Variants in MRPS27 observed in about 807,000 individuals in gnomAD.
MRPS27 encodes mitochondrial ribosomal protein S27, also known as small ribosomal subunit protein mS27.
In MRPS27, 43 loss-of-function variants were observed where a neutral mutation model predicts 48.9. The ratio of observed to expected loss-of-function variants is 0.88; its 90% confidence interval spans 0.69 to 1.13. The LOEUF is 1.13. MRPS27 is among the 50% of genes most tolerant of loss of function. MRPS27 has a pLI of 0.00. For synonymous variants in MRPS27, 188 were observed against 171.9 expected, an observed-to-expected ratio of 1.09 and a Z score of -0.73; for missense variants, 467 against 476.3, an observed-to-expected ratio of 0.98 and a Z score of 0.18.
In MRPS27 at chr5:72,320,155, G is replaced by A. The variant is rs148030428; in HGVS notation, c.67C>T (p.Pro23Ser). The A allele has an allele frequency of 2.5e-6, 4 of 1,613,900 alleles. No individual in the cohort carries two copies. The highest frequency in any genetic ancestry group is 3.4e-6 in the Non-Finnish European group (4 of 1,179,850). The change falls in exon 1 of 11, where the codon CCT becomes TCT. Residue 23 changes from proline to serine, a missense_variant. Pro to Ser is a moderately conservative substitution (Grantham distance 74, BLOSUM62 -1). Coordinates refer to ENST00000261413, the MANE Select transcript of MRPS27 (RefSeq NM_015084.3). ...ATGAAGCTGTCCGGCCAACCTGCAG[G>A]AGAGAGCTGAGGAAGAACCACTTGC... ...ARQVVLPQLS[P>S]AGKRYLLSSA... is the part of the protein sequence containing the mutation.
At chr5:72,256,174 A>G (rs1004659574) in intron 4 of MRPS27, among the ~76,000 whole-genome samples, 9 of 152,220 alleles carry the variant, frequency 5.9e-5, no homozygotes, top group African/African-American at 2.2e-4. Context: ...TTCAATGACT[A>G]TAATATCTAA....
At chr5:72,238,506 A>G (rs142597839) in intron 4 of MRPS27, among the ~76,000 whole-genome samples, 8 of 152,348 alleles carry the variant, frequency 5.3e-5, no homozygotes, top group African/African-American at 1.9e-4. Context: ...TTTAAAACAA[A>G]TGAAGAAAAT....
chr5:72,317,016 C>T (rs1274594242), intron 1 of MRPS27, among the ~76,000 whole-genome samples: 3 of 144,792 alleles, frequency 2.1e-5, no homozygotes, highest in East Asian at 4.0e-4. Context: ...GCAATAAGAG[C>T]GAAACTCCGT....
intron 4 of MRPS27, among the ~76,000 whole-genome samples, chr5:72,263,061 T>C (rs1455416628): frequency 6.6e-6 from 1 of 152,198 alleles, no homozygotes; most frequent in Non-Finnish European, 1.5e-5. Context: ...ATGAAAGTTT[T>C]CTCGTTTGGT....
intron 2 of MRPS27, among the ~76,000 whole-genome samples, chr5:72,307,729 C>G (rs997267520): frequency 3.3e-5 from 5 of 151,984 alleles, no homozygotes; most frequent in African/African-American, 1.2e-4. Flanking sequence ...TTTGGAGAGA[C>G]TAAGTGGGGG....
intron 1 of MRPS27, chr5:72,314,400 A>G: frequency 3.0e-6 from 1 of 335,046 alleles, no homozygotes; most frequent in Non-Finnish European, 5.6e-6. Flanking sequence ...AAATAAAATA[A>G]ACAGGGTCTT....
At chr5:72,286,929 C>T (rs1431091243) in intron 4 of MRPS27, among the ~76,000 whole-genome samples, 1 of 152,168 alleles carries the variant, frequency 6.6e-6, no homozygotes, top group Non-Finnish European at 1.5e-5. Flanking sequence ...CCGTGTGGTG[C>T]TGGGTTAAGC....
At chr5:72,273,524 G>A (rs1482577714) in intron 4 of MRPS27, among the ~76,000 whole-genome samples, 7 of 152,120 alleles carry the variant, frequency 4.6e-5, no homozygotes, top group African/African-American at 7.2e-5. Context: ...TAGGCCATAC[G>A]CTATAGCCTG....
chr5:72,269,057 T>C (rs531927664), intron 4 of MRPS27, among the ~76,000 whole-genome samples: 1 of 152,332 alleles, frequency 6.6e-6, no homozygotes, highest in South Asian at 2.1e-4. Context: ...GGTTTTCCTG[T>C]ATGCTTGCTC....
intron 4 of MRPS27, among the ~76,000 whole-genome samples, chr5:72,278,199 T>C (rs1749432212): frequency 6.6e-6 from 1 of 152,022 alleles, no homozygotes; most frequent in Admixed American, 6.5e-5. Flanking sequence ...TCCCAGCACT[T>C]TGGGAGGCCG....
In MRPS27 at chr5:72,267,876, A is replaced by C. The variant is rs987760745; in HGVS notation, c.281+27655T>G. Among the ~76,000 whole-genome samples, 4 of 152,194 alleles carry C rather than the reference A, an allele frequency of 2.6e-5. 1 individual carries two copies. Among genetic ancestry groups the C allele is most frequent in the Admixed American group, 1.3e-4 (2 of 15,274 alleles). On this transcript the variant is annotated intron_variant, in intron 4 of 10. Coordinates refer to ENST00000261413, the MANE Select transcript of MRPS27 (RefSeq NM_015084.3). ...GCTCTCAGATGCTGCCTTCCAAATA[A>C]ATGTTCAGGGAACTTATGTGAATCA...
chr5:72,256,480 C>T (rs1384695008), intron 4 of MRPS27, among the ~76,000 whole-genome samples: 1 of 152,132 alleles, frequency 6.6e-6, no homozygotes, highest in Admixed American at 6.5e-5. Context: ...CCATTCAACC[C>T]TTTCACTTTC....
At chr5:72,223,624 C>T in intron 10 of MRPS27, 59 bp downstream of exon 10, 2 of 1,582,554 alleles carry the variant, frequency 1.3e-6, no homozygotes, top group Non-Finnish European at 1.7e-6. Context: ...TATCCATCAC[C>T]ACAGGAGAGA....
At chr5:72,225,810 C>T (rs1410061147) in intron 9 of MRPS27, among the ~76,000 whole-genome samples, 1 of 148,032 alleles carries the variant, frequency 6.8e-6, no homozygotes, top group Non-Finnish European at 1.5e-5. Flanking sequence ...AGGTGAGGGA[C>T]GAGGCAGTGG....
intron 10 of MRPS27, among the ~76,000 whole-genome samples, chr5:72,222,038 G>C (rs1561326656): frequency 1.3e-5 from 2 of 152,202 alleles, no homozygotes; most frequent in African/African-American, 2.4e-5. Flanking sequence ...ATTGGCACAG[G>C]AAAGGAGGCT....
At chr5:72,238,493 A>C (rs1186690184) in intron 4 of MRPS27, among the ~76,000 whole-genome samples, 1 of 152,238 alleles carries the variant, frequency 6.6e-6, no homozygotes, top group African/African-American at 2.4e-5. Context: ...GAAACTTTGG[A>C]AGTTTAAAAC....
chr5:72,277,804 C>G (rs927465824), intron 4 of MRPS27, among the ~76,000 whole-genome samples: 10 of 152,056 alleles, frequency 6.6e-5, no homozygotes, highest in Admixed American at 6.6e-4. Context: ...AGGGATGGAG[C>G]TGGAAGCCAT....
At chr5:72,308,117 G>T (rs1031576456) in intron 2 of MRPS27, among the ~76,000 whole-genome samples, 3 of 152,084 alleles carry the variant, frequency 2.0e-5, no homozygotes, top group Non-Finnish European at 4.4e-5. Context: ...GCAGGTCCTA[G>T]ACAGCTGCAT....
intron 2 of MRPS27, 29 bp from the exon 3 acceptor site, chr5:72,297,731 T>G: frequency 7.0e-7 from 1 of 1,425,142 alleles, no homozygotes; most frequent in Admixed American, 2.1e-5. Flanking sequence ...AAAAAAAACC[T>G]TGTTAAAGAT....
Sources: gnomAD v4.1 joint callset for allele counts (sites outside exome capture counted in the v4.1 genomes callset) on GRCh38, gnomAD v4.1.1 for gene constraint, MANE v1.5 for transcripts, NCBI Gene and HGNC (gene_info 2026-07-23, HGNC 2026-07-21) for gene names.